RBM28: variants seen among roughly 807,000 people sequenced by gnomAD.
RBM28 encodes RNA-binding protein 28.
A neutral mutation model predicts 98.3 loss-of-function variants in RBM28; 78 were observed. The ratio of observed to expected loss-of-function variants is 0.79; its 90% CI spans 0.66 to 0.96. The LOEUF is 0.96. RBM28 is among the 40% of genes least tolerant of loss of function. The pLI is 0.00. For missense variants in RBM28, 838 were observed against 913.0 expected (o/e 0.92, Z 1.06); for synonymous variants, 306 against 330.9 (o/e 0.92, Z 0.82).
Position 128,300,664 on chromosome 7 carries a change from A to C in RBM28, c.*10133T>G, listed in dbSNP as rs1423756022. 6.6e-6 allele frequency: 1 copy of C among 152,290 alleles called. No homozygotes were observed. The highest frequency in any genetic ancestry group is 1.5e-5 in the Non-Finnish European group (1 of 68,064). The allele number at this position is 152,290 out of a possible 1,614,324, so 9.4% of individuals were successfully genotyped here. On this transcript the variant is annotated 3_prime_UTR_variant, in exon 19 of 19. Coordinates refer to ENST00000223073, the MANE Select transcript of RBM28 (RefSeq NM_018077.3). ...ATCAATACTGTGCTATGTTTTAGTA[A>C]AGAGGGCTGTTCCCTGAGAGCAAAA...
rs1224473464 is a variant in RBM28 at position 128,324,681 on chromosome 7, T to G, written c.1217A>C (p.Lys406Thr). ...AACCTTGAGCTGCCGGCCATCCAGTTTAAGCCCACCAGCCTGTAACAGATC... is the reference window on the plus strand; with the variant it reads ...AACCTTGAGCTGCCGGCCATCCAGTGTAAGCCCACCAGCCTGTAACAGATC... Reference protein sequence around the residue: ...ASPENEAGGLKLDGRQLKVDL... With the variant: ...ASPENEAGGLTLDGRQLKVDL... Residue 406 changes from lysine to threonine, a missense_variant, in exon 12 of 19, where the codon AAA (lysine) becomes ACA (threonine). Transcript: ENST00000223073. 6.2e-7 allele frequency: 1 copy of G among 1,614,144 alleles called. No homozygotes were observed. Among genetic ancestry groups the G allele is most frequent in the Non-Finnish European group, 8.5e-7 (1 of 1,180,024 alleles).
intron 10 of RBM28, among the ~76,000 whole-genome samples, chr7:128,329,647 A>C (rs1294720790): frequency 1.3e-5 from 2 of 152,122 alleles, no homozygotes; most frequent in South Asian, 2.1e-4. Context: ...GCACTTTGGG[A>C]GGCCAAGGCG....
intron 9 of RBM28, among the ~76,000 whole-genome samples, chr7:128,332,590 G>A (rs1290776827): frequency 1.3e-5 from 2 of 152,102 alleles, no homozygotes; most frequent in Non-Finnish European, 2.9e-5. Flanking sequence ...GCCCTCAAGT[G>A]ATCCATCTGC....
At chr7:128,312,749 G>C (rs1026050473) in intron 18 of RBM28, among the ~76,000 whole-genome samples, 4 of 152,150 alleles carry the variant, frequency 2.6e-5, no homozygotes, top group Non-Finnish European at 5.9e-5. Context: ...TATATCATTT[G>C]TGTAGTAGAT....
chr7:128,303,725 G>A lies in RBM28; in HGVS notation c.*7072C>T, dbSNP rs571374370. ...AGAAAATGAACAATGTATTTTCCAC[G>A]TCAAGATGCCTGAACTTCCCATAAC... On this transcript the variant is annotated 3_prime_UTR_variant, in exon 19 of 19. Coordinates refer to ENST00000223073, the MANE Select transcript of RBM28 (RefSeq NM_018077.3). The A allele has an allele frequency of 3.9e-5, 6 of 152,298 alleles. No homozygotes were observed. Among genetic ancestry groups the A allele is most frequent in the East Asian group, 3.9e-4 (2 of 5,190 alleles). 9.4% of individuals were successfully genotyped at this position (152,298 alleles called of 1,614,324 possible).
In RBM28 at chr7:128,330,859, A is replaced by G. The variant is rs766046342; in HGVS notation, c.1089T>C (p.Tyr363=). 1.2e-6 allele frequency: 2 copies of G among 1,614,178 alleles called. No individual in the cohort carries two copies. Among genetic ancestry groups the G allele is most frequent in the South Asian group, 2.2e-5 (2 of 91,086 alleles). ...TGTCTGGATGCAAGACAATGCGGACATATTTGAGTTCTCCAAACTGTTGGA... is the reference window on the plus strand; with the variant it reads ...TGTCTGGATGCAAGACAATGCGGACGTATTTGAGTTCTCCAAACTGTTGGA... ...ELLQQFGELK[Y]VRIVLHPDTE... is the part of the protein sequence containing the mutation. The change falls in exon 10 of 19, where the codon TAT becomes TAC. Residue 363 remains tyrosine (Y), a synonymous_variant. Transcript: ENST00000223073.
intron 10 of RBM28, among the ~76,000 whole-genome samples, chr7:128,326,584 T>A (rs1796357782): frequency 6.6e-6 from 1 of 152,198 alleles, no homozygotes; most frequent in Non-Finnish European, 1.5e-5. Context: ...ATATGACCTA[T>A]GTGTGTAGTA....
chr7:128,332,359 T>A (rs1180969754), intron 9 of RBM28, among the ~76,000 whole-genome samples: 1 of 151,492 alleles, frequency 6.6e-6, no homozygotes, highest in Non-Finnish European at 1.5e-5. Flanking sequence ...AAAACAAATT[T>A]TTTTTTTTTT....
chr7:128,343,610 G>T, intron 1 of RBM28, 66 bp downstream of exon 1: 4 of 1,197,514 alleles, frequency 3.3e-6, no homozygotes, highest in Non-Finnish European at 4.8e-6. Context: ...ACGGCTCCCT[G>T]AAGTTTGGGA....
In RBM28 at chr7:128,317,887, C is replaced by T; in HGVS notation, c.1713+70G>A. 7 of 1,588,502 alleles carry T rather than the reference C, an allele frequency of 4.4e-6. No individual in the cohort carries two copies. The South Asian group carries it at 7.7e-5, about 18-fold the overall frequency. On this transcript the variant is annotated intron_variant, in intron 15 of 18. Transcript: ENST00000223073. ...CCCTCAAATGTCAGAGGACACTAGG[C>T]ATAAAGGAGAAGGCTGGTTTCCTGC...
chr7:128,317,118 GA>G (rs759350009), intron 16 of RBM28, among the ~76,000 whole-genome samples: 1 of 152,212 alleles, frequency 6.6e-6, no homozygotes, highest in South Asian at 2.1e-4. Flanking sequence ...ATGTGAGGCA[GA>G]TGTTGTCCAC....
rs1277168363 is a variant in RBM28, at chr7:128,300,132, G to GT, written c.*10664dup. The GT allele has an allele frequency of 1.3e-5, 2 of 152,190 alleles. No individual in the cohort carries two copies. The highest frequency in any genetic ancestry group is 4.8e-5 in the African/African-American group (2 of 41,432). The allele number at this position is 152,190 out of a possible 1,614,324, so 9.4% of individuals were successfully genotyped here. On this transcript the variant is annotated 3_prime_UTR_variant, in exon 19 of 19. Coordinates refer to ENST00000223073, the MANE Select transcript of RBM28 (RefSeq NM_018077.3). ...TTCTCAACTTTCCCTAGAAGCCCAG[G>GT]TTTCCTTGCTACAACCCTGGCAGAG...
Position 128,320,238 on chromosome 7 carries a change from AAGAAAG to A in RBM28, c.1563+1022_1563+1027del, listed in dbSNP as rs1211774542. ...CTCAAAAAAAAAAAAAAAAAAAAGA[AAGAAAG>A]AAAGAAATTAGCCAGGCATGGTGGT... On this transcript the variant is annotated intron_variant, in intron 14 of 18. Transcript: ENST00000223073. 8.7e-3 allele frequency among the ~76,000 whole-genome samples: 1,219 copies of A among 139,976 alleles called. 31 individuals are homozygous for A. The highest frequency in any genetic ancestry group is 0.032 in the African/African-American group (1,173 of 37,214). 91.8% of individuals were successfully genotyped at this position (139,976 alleles called of 152,430 possible). A position where few individuals can be genotyped will look rare whatever the true frequency, so the allele number is the denominator to read the frequency against.
At chr7:128,326,531 A>G (rs1420022562) in intron 10 of RBM28, among the ~76,000 whole-genome samples, 1 of 152,238 alleles carries the variant, frequency 6.6e-6, no homozygotes, top group Non-Finnish European at 1.5e-5. Context: ...AACATTCAGT[A>G]TAACAACATG....
intron 14 of RBM28, among the ~76,000 whole-genome samples, chr7:128,318,933 C>G (rs1054497402): frequency 7.9e-5 from 12 of 152,336 alleles, no homozygotes; most frequent in South Asian, 4.1e-4. Flanking sequence ...AGGAAAAAGT[C>G]TCTCCAACAT....
chr7:128,325,971 T>C (rs1167910062), intron 10 of RBM28, 80 bp from the exon 11 acceptor site: 1 of 1,102,034 alleles, frequency 9.1e-7, no homozygotes, highest in Non-Finnish European at 1.4e-6. Context: ...GGCAACAGCC[T>C]GACACAGAGT....
chr7:128,323,772 G>A (rs1396593144), intron 12 of RBM28, among the ~76,000 whole-genome samples, 181 bp from the exon 13 acceptor site: 3 of 152,202 alleles, frequency 2.0e-5, no homozygotes, highest in African/African-American at 7.2e-5. Context: ...TGGGCTCAGA[G>A]CTGCTCTCAA....
rs1291709025 is a variant in RBM28, at chr7:128,299,455, AG to A, written c.*11341del. ...TGCATACGAAAGGCACGCTCGACCAAGTTGTTTACTCTCTCCCCAAAGTAGC... is the reference window on the plus strand; with the variant it reads ...TGCATACGAAAGGCACGCTCGACCAATTGTTTACTCTCTCCCCAAAGTAGC... On this transcript the variant is annotated 3_prime_UTR_variant, in exon 19 of 19. Transcript: ENST00000223073. 3 of 152,208 alleles carry A rather than the reference AG, an allele frequency of 2.0e-5. No homozygotes were observed. The highest frequency in any genetic ancestry group is 7.2e-5 in the African/African-American group (3 of 41,456). 9.4% of individuals were successfully genotyped at this position (152,208 alleles called of 1,614,324 possible).
At position 128,337,167 on chromosome 7, in the gene RBM28, C is replaced by T. The variant is rs1257544114; in HGVS notation, c.577G>A (p.Asp193Asn). The change falls in exon 6 of 19, where the codon GAT becomes AAT. Residue 193 changes from aspartate (D) to asparagine (N), a missense_variant. Coordinates refer to ENST00000223073, the MANE Select transcript of RBM28 (RefSeq NM_018077.3). ...ACAGACTGTGTATCTTTATATTTAT[C>T]CTTTGCCACGGCCCAATCCACAGCC... is the stretch of plus-strand genomic sequence containing the variant. ...TVAVDWAVAKDKYKDTQSVSA... is the reference protein window; with the variant it reads ...TVAVDWAVAKNKYKDTQSVSA... The T allele has an allele frequency of 6.2e-7, 1 of 1,614,014 alleles. No homozygotes were observed. The highest frequency in any genetic ancestry group is 8.5e-7 in the Non-Finnish European group (1 of 1,180,016).
Sources: gnomAD v4.1 joint callset for allele counts (sites outside exome capture counted in the v4.1 genomes callset) on GRCh38, gnomAD v4.1.1 for gene constraint, MANE v1.5 for transcripts, NCBI Gene and HGNC (gene_info 2026-07-23, HGNC 2026-07-21) for gene names.